The following SLC30A5 variants were observed in gnomAD, a reference collection of about 807,000 sequenced individuals.
SLC30A5 encodes solute carrier family 30 member 5.
In SLC30A5, 33 loss-of-function variants were observed where a neutral mutation model predicts 79.6. That is an observed-to-expected ratio of 0.41 (90% CI 0.31 to 0.55). The LOEUF (loss-of-function observed/expected upper bound fraction) is 0.55. SLC30A5 is among the 20% of genes least tolerant of loss of function. The probability of loss-of-function intolerance (pLI) is 0.20; values close to 1 mark genes in which losing one functional copy is unlikely to be tolerated. For synonymous variants in SLC30A5, 299 were observed against 319.7 expected, an observed-to-expected ratio of 0.94 and a Z score of 0.69; for missense variants, 788 against 928.1, an observed-to-expected ratio of 0.85 and a Z score of 1.96.
intron 7 of SLC30A5, 94 bp from the exon 8 acceptor site, chr5:69,115,135 GAAAAAAAA>G (rs60614154): frequency 4.6e-4 from 248 of 539,402 alleles, no homozygotes; most frequent in African/African-American, 1.4e-3. Flanking sequence ...TGTCTCTGGG[GAAAAAAAA>G]AAAAAAAAAA....
chr5:69,129,608 C>T lies in SLC30A5; in HGVS notation c.2289C>T (p.Tyr763=), dbSNP rs760609677. ...ESMKYCKDGT[Y]IM ...TGAAATACTGCAAAGATGGTACTTA[C>T]ATCATGTGAGATAACTCAAGAATTA... The change falls in exon 16 of 16, where the codon TAC becomes TAT. Residue 763 remains tyrosine, a synonymous_variant. Coordinates refer to ENST00000396591, the MANE Select transcript of SLC30A5 (RefSeq NM_022902.5). 2 of 1,607,678 alleles carry T rather than the reference C, an allele frequency of 1.2e-6. No individual in the cohort carries two copies. The highest frequency in any genetic ancestry group is 1.7e-5 in the Admixed American group (1 of 59,074).
At chr5:69,102,202 C>T (rs898326322) in intron 2 of SLC30A5, among the ~76,000 whole-genome samples, 7 of 151,174 alleles carry the variant, frequency 4.6e-5, no homozygotes, top group Non-Finnish European at 1.0e-4. Context: ...AGGTGTGTCC[C>T]ACCATGGCCA....
chr5:69,111,645 A>T (rs978332787), intron 5 of SLC30A5, among the ~76,000 whole-genome samples: 10 of 152,142 alleles, frequency 6.6e-5, no homozygotes, highest in African/African-American at 2.4e-4. Flanking sequence ...CAAAATTCTC[A>T]GTTGCCTTCT....
chr5:69,097,358 G>C (rs944950521), intron 1 of SLC30A5, among the ~76,000 whole-genome samples: 1 of 152,100 alleles, frequency 6.6e-6, no homozygotes, highest in African/African-American at 2.4e-5. Flanking sequence ...CTCGTGATCC[G>C]CCCGCCTGGG....
Position 69,121,773 on chromosome 5 carries a change from C to T in SLC30A5, c.1649C>T (p.Ala550Val), listed in dbSNP as rs1377993798. ...FSHAHSHAHGASQGSCHSSDH... is the reference protein window; with the variant it reads ...FSHAHSHAHGVSQGSCHSSDH... ...CATGCCCATAGCCATGCCCATGGAG[C>T]TTCTCAAGGAAGCTGTCACTCATCT... Residue 550 changes from alanine to valine, a missense_variant, in exon 13 of 16, where the codon GCT becomes GTT. By Grantham distance (64) the Ala-to-Val change is moderately conservative (BLOSUM62 0). Coordinates refer to ENST00000396591, the MANE Select transcript of SLC30A5 (RefSeq NM_022902.5). 12 of 1,611,818 alleles carry T rather than the reference C, an allele frequency of 7.4e-6. No homozygotes were observed. The Admixed American group carries it at 1.2e-4, about 16-fold the overall frequency.
chr5:69,095,906 C>CA (rs11293362), intron 1 of SLC30A5, among the ~76,000 whole-genome samples: 342 of 140,212 alleles, frequency 2.4e-3, no homozygotes, highest in Middle Eastern at 0.011. Flanking sequence ...CTAAAAATAC[C>CA]AAAAAAAAAA....
At chr5:69,097,114 T>A (rs1210802093) in intron 1 of SLC30A5, among the ~76,000 whole-genome samples, 8 of 90,006 alleles carry the variant, frequency 8.9e-5, no homozygotes, top group African/African-American at 2.7e-4. Flanking sequence ...TTTTTCTTTT[T>A]TTTTTTTTTT....
At chr5:69,094,464 G>C in intron 1 of SLC30A5, 126 bp downstream of exon 1, 1 of 1,029,684 alleles carries the variant, frequency 9.7e-7, no homozygotes, top group Non-Finnish European at 1.2e-6. Flanking sequence ...CCCCCTGCCT[G>C]CCTCCCTGCG....
At chr5:69,102,225 A>AT (rs554525977) in intron 2 of SLC30A5, among the ~76,000 whole-genome samples, 86 of 149,994 alleles carry the variant, frequency 5.7e-4, no homozygotes, top group Admixed American at 1.0e-3. Flanking sequence ...TAATTTTTGT[A>AT]TTTTTTTTAG....
chr5:69,122,252 C>T (rs538803102), intron 13 of SLC30A5, among the ~76,000 whole-genome samples: 56 of 152,224 alleles, frequency 3.7e-4, no homozygotes, highest in African/African-American at 1.3e-3. Context: ...CAAAAATTAG[C>T]CGGACATGGT....
At chr5:69,114,527 AAGATTCT>A in intron 7 of SLC30A5, 31 bp downstream of exon 7, 3 of 1,323,928 alleles carry the variant, frequency 2.3e-6, no homozygotes, top group Non-Finnish European at 3.3e-6. Flanking sequence ...ACAGGATCAA[AAGATTCT>A]GAAAAGTTGT....
At position 69,114,413 on chromosome 5, in the gene SLC30A5, C is replaced by G. The variant is rs774435393; in HGVS notation, c.536-7C>G. The G allele has an allele frequency of 6.3e-6, 10 of 1,585,632 alleles. No individual in the cohort carries two copies. The Admixed American group carries it at 1.7e-4, about 27-fold the overall frequency. ...GGAATTTTTTTCCTTTACTTCAACT[C>G]ACTTAGCTGAAGGACATCATGACAG... On this transcript the variant is annotated splice_polypyrimidine_tract_variant and splice_region_variant and intron_variant, in intron 6 of 15. Coordinates refer to ENST00000396591, the MANE Select transcript of SLC30A5 (RefSeq NM_022902.5).
chr5:69,116,227 C>A lies in SLC30A5; in HGVS notation c.1072+13C>A. The A allele has an allele frequency of 1.3e-6, 2 of 1,555,178 alleles. No homozygotes were observed. Among genetic ancestry groups the A allele is most frequent in the Non-Finnish European group, 1.7e-6 (2 of 1,155,204 alleles). ...TTCTTCATTTTGTGTAAGCATTCCC[C>A]CCTTTTTTTTATTTTAACAAATTTC... On this transcript the variant is annotated intron_variant, in intron 9 of 15. Coordinates refer to ENST00000396591, the MANE Select transcript of SLC30A5 (RefSeq NM_022902.5). The surrounding 1 kb of genome is among the most constrained non-coding windows in gnomAD (Gnocchi z 4.0).
rs755880063 is a variant in SLC30A5 at position 69,113,237 on chromosome 5, T to C, written c.535+10T>C. The C allele has an allele frequency of 6.2e-7, 1 of 1,607,320 alleles. No homozygotes were observed. Among genetic ancestry groups the C allele is most frequent in the Non-Finnish European group, 8.5e-7 (1 of 1,175,296 alleles). On this transcript the variant is annotated intron_variant, in intron 6 of 15. Transcript: ENST00000396591. ...AAAATGGCTGAACACCGTATCCTTTTGGAATAGATCAGAGTTGTTTCAAGT... is the reference window on the plus strand; with the variant it reads ...AAAATGGCTGAACACCGTATCCTTTCGGAATAGATCAGAGTTGTTTCAAGT...
At chr5:69,127,017 T>A (rs1196061960) in intron 14 of SLC30A5, among the ~76,000 whole-genome samples, 1 of 152,112 alleles carries the variant, frequency 6.6e-6, no homozygotes, top group African/African-American at 2.4e-5. Context: ...CAAAAAACTT[T>A]CGTAATGTTT....
intron 4 of SLC30A5, among the ~76,000 whole-genome samples, chr5:69,107,496 TTTA>T (rs1457553498): frequency 6.6e-6 from 1 of 152,188 alleles, no homozygotes; most frequent in African/African-American, 2.4e-5. Context: ...AGCATAGTCA[TTTA>T]TTATCATTAT....
chr5:69,105,657 C>CAA (rs34252615), intron 4 of SLC30A5, among the ~76,000 whole-genome samples: 12 of 147,186 alleles, frequency 8.2e-5, no homozygotes, highest in South Asian at 2.1e-4. Flanking sequence ...GACTCCGTCT[C>CAA]AAAAAAAAAA....
At position 69,130,834 on chromosome 5, in the gene SLC30A5, T is replaced by C. The variant is rs890958785; in HGVS notation, c.*1217T>C. 1 of 152,182 alleles carries C rather than the reference T, an allele frequency of 6.6e-6. No homozygotes were observed. The highest frequency in any genetic ancestry group is 2.1e-4 in the South Asian group (1 of 4,832). 9.4% of individuals were successfully genotyped at this position (152,182 alleles called of 1,614,324 possible). On this transcript the variant is annotated 3_prime_UTR_variant, in exon 16 of 16. Coordinates refer to ENST00000396591, the MANE Select transcript of SLC30A5 (RefSeq NM_022902.5). ...TGTCTTTCTATTTATAACATCTGAA[T>C]ATTTTCATTCTTATATTAAGAATTT... is the stretch of plus-strand genomic sequence containing the variant.
At chr5:69,108,278 C>A in intron 4 of SLC30A5, 71 bp from the exon 5 acceptor site, 1 of 1,180,064 alleles carries the variant, frequency 8.5e-7, no homozygotes, top group Non-Finnish European at 1.2e-6. Context: ...CTTTCTCTAA[C>A]TCTAGTTGAA....
Sources: allele counts gnomAD v4.1 joint callset (sites outside exome capture counted in the v4.1 genomes callset), GRCh38; gene constraint gnomAD v4.1.1; non-coding constraint Gnocchi (gnomAD v3.1); transcripts MANE v1.5; gene names NCBI Gene and HGNC (gene_info 2026-07-23, HGNC 2026-07-21).